The following EYA4 variants were observed in gnomAD, a reference collection of about 807,000 sequenced individuals.
EYA4 encodes EYA transcriptional coactivator and phosphatase 4.
EYA4 carries 31 observed loss-of-function variants against 87.9 expected under a neutral mutation model. The observed-to-expected ratio is 0.35, with a 90% confidence interval of 0.27 to 0.48. EYA4 has a LOEUF of 0.48. Ranked by LOEUF, EYA4 falls within the 20% of genes least tolerant of loss-of-function variation. The pLI is 0.99. For missense variants in EYA4, 678 were observed against 761.4 expected (o/e 0.89, Z 1.29); for synonymous variants, 263 against 270.6 (o/e 0.97, Z 0.28).
intron 3 of EYA4, among the ~76,000 whole-genome samples, chr6:133,415,713 G>A (rs1371882976): frequency 6.6e-6 from 1 of 152,128 alleles, no homozygotes; most frequent in African/African-American, 2.4e-5. Context: ...CAACTCCTCT[G>A]TGCACTTTTA....
chr6:133,262,963 T>C (rs1328886354), intron 1 of EYA4, among the ~76,000 whole-genome samples: 1 of 152,194 alleles, frequency 6.6e-6, no homozygotes, highest in Non-Finnish European at 1.5e-5. Context: ...AGTCCAAGAA[T>C]GTGCATCTCC....
chr6:133,278,067 A>G (rs771240990), intron 2 of EYA4, among the ~76,000 whole-genome samples: 7 of 151,436 alleles, frequency 4.6e-5, no homozygotes, highest in Non-Finnish European at 8.8e-5. Flanking sequence ...CAAGTGTGTC[A>G]TCAAGCATAC....
chr6:133,474,873 A>G (rs1795588655), intron 11 of EYA4, among the ~76,000 whole-genome samples: 1 of 152,138 alleles, frequency 6.6e-6, no homozygotes, highest in Non-Finnish European at 1.5e-5. Context: ...ACAGTTTTTC[A>G]TAGAACAGTC....
In EYA4 at chr6:133,511,479, T is replaced by C. The variant is rs372897212; in HGVS notation, c.1282-1242T>C. Among the ~76,000 whole-genome samples the C allele has an allele frequency of 4.5e-4, 68 of 151,406 alleles. No homozygotes were observed. In the East Asian group the frequency reaches 7.7e-3, roughly 17 times the overall value. ...TAGTTATTTATTATAAATAATTTATTTTTATTTATTATATATTTATTATTC... is the reference window on the plus strand; with the variant it reads ...TAGTTATTTATTATAAATAATTTATCTTTATTTATTATATATTTATTATTC... On this transcript the variant is annotated intron_variant, in intron 14 of 19. Transcript: ENST00000355286.
intron 2 of EYA4, among the ~76,000 whole-genome samples, chr6:133,324,819 C>CA (rs1562290649): frequency 2.0e-5 from 3 of 148,868 alleles, no homozygotes; most frequent in Non-Finnish European, 4.4e-5. Flanking sequence ...ATTGGTATTT[C>CA]AAAAAATCAG....
intron 18 of EYA4, 176 bp from the exon 19 acceptor site, chr6:133,524,978 C>T (rs760443871): frequency 6.6e-6 from 10 of 1,519,918 alleles, no homozygotes; most frequent in Non-Finnish European, 9.1e-6. Flanking sequence ...TTAATGAATG[C>T]AGTGGCTGGA....
chr6:133,366,751 A>G (rs1268795603), intron 2 of EYA4, among the ~76,000 whole-genome samples: 1 of 152,230 alleles, frequency 6.6e-6, no homozygotes, highest in African/African-American at 2.4e-5. Context: ...TGTAGATAAC[A>G]CATCAGTAGC....
At position 133,503,201 on chromosome 6, in the gene EYA4, A is replaced by G. The variant is rs117695089; in HGVS notation, c.1192-2905A>G. On this transcript the variant is annotated intron_variant, in intron 13 of 19. Coordinates refer to ENST00000355286, the MANE Select transcript of EYA4 (RefSeq NM_004100.5). ...AAATGCATTCTTCATGGATTTTCCT[A>G]TCACTGTTTGGGTAGCACAGAGTTA... Among the ~76,000 whole-genome samples the G allele has an allele frequency of 1.1e-3, 174 of 152,306 alleles. 2 individuals are homozygous for G. In the East Asian group the frequency reaches 0.027, roughly 24 times the overall value.
intron 2 of EYA4, among the ~76,000 whole-genome samples, chr6:133,281,450 A>G (rs1777618624): frequency 6.6e-6 from 1 of 152,162 alleles, no homozygotes; most frequent in Non-Finnish European, 1.5e-5. Context: ...AGAACATGTG[A>G]TATTTGACTT....
At chr6:133,406,009 A>G (rs1486391222) in intron 3 of EYA4, among the ~76,000 whole-genome samples, 3 of 108,926 alleles carry the variant, frequency 2.8e-5, no homozygotes, top group Non-Finnish European at 6.6e-5. Flanking sequence ...GCTAAATTCT[A>G]TTATCTATCT....
rs1222461623 is a variant in EYA4 at position 133,322,701 on chromosome 6, CTA to C, written c.33+47890_33+47891del. ...TTGATGGGCACATTGTATCATAAGA[CTA>C]TGTCTTAACTACTATAACCTACTAT... On this transcript the variant is annotated intron_variant, in intron 2 of 19. Transcript: ENST00000355286. Among the ~76,000 whole-genome samples the C allele has an allele frequency of 2.0e-5, 3 of 152,138 alleles. No individual in the cohort carries two copies. In the East Asian group the frequency reaches 5.8e-4, roughly 29 times the overall value.
At chr6:133,394,282 G>GTGTTTTT (rs1269757042) in intron 3 of EYA4, among the ~76,000 whole-genome samples, 1 of 107,846 alleles carries the variant, frequency 9.3e-6, no homozygotes, top group African/African-American at 4.8e-5. Flanking sequence ...ATATAAGCTT[G>GTGTTTTT]TGTTTTTTTT....
intron 2 of EYA4, among the ~76,000 whole-genome samples, chr6:133,300,557 C>G (rs1562264730): frequency 6.6e-6 from 1 of 151,960 alleles, no homozygotes; most frequent in African/African-American, 2.4e-5. Flanking sequence ...GCCCTGTCAC[C>G]AGGCTGGAGT....
At chr6:133,316,195 C>T (rs923011727) in intron 2 of EYA4, among the ~76,000 whole-genome samples, 1 of 152,068 alleles carries the variant, frequency 6.6e-6, no homozygotes, top group South Asian at 2.1e-4. Flanking sequence ...ACGTTTTTCT[C>T]AGCAAATAGT....
rs376545517 is a variant in EYA4, at chr6:133,254,716, G to C, written c.-66+12967G>C. Among the ~76,000 whole-genome samples, 48 of 152,294 alleles carry C rather than the reference G, an allele frequency of 3.2e-4. No individual in the cohort carries two copies. In the East Asian group the frequency reaches 7.3e-3, roughly 23 times the overall value. ...CAAAGCATATTTGCTCTGTGTTTCA[G>C]TGGGTCACTTTATTTATCAGCGTCA... On this transcript the variant is annotated intron_variant, in intron 1 of 19. Coordinates refer to ENST00000355286, the MANE Select transcript of EYA4 (RefSeq NM_004100.5).
intron 3 of EYA4, among the ~76,000 whole-genome samples, chr6:133,408,433 C>G (rs530102610): frequency 3.3e-5 from 5 of 152,140 alleles, no homozygotes; most frequent in African/African-American, 1.2e-4. Context: ...TATATTTGGT[C>G]TGGTTCTTAG....
chr6:133,267,862 T>C (rs932726593), intron 1 of EYA4, among the ~76,000 whole-genome samples: 30 of 152,176 alleles, frequency 2.0e-4, no homozygotes, highest in African/African-American at 6.8e-4. Flanking sequence ...GGAAAGTTAA[T>C]ACTGGGTAAA....
In EYA4 at chr6:133,343,285, C is replaced by A. The variant is rs552479673; in HGVS notation, c.34-39107C>A. On this transcript the variant is annotated intron_variant, in intron 2 of 19. Coordinates refer to ENST00000355286, the MANE Select transcript of EYA4 (RefSeq NM_004100.5). ...TCCTCAACTGTATTTACCAGGATGA[C>A]CCTGTGACCTTTCTTTTACTTTAGA... Among the ~76,000 whole-genome samples, 88 of 152,230 alleles carry A rather than the reference C, an allele frequency of 5.8e-4. 1 individual carries two copies. Among genetic ancestry groups the A allele is most frequent in the East Asian group, 3.5e-3 (18 of 5,184 alleles).
In EYA4 at chr6:133,357,099, G is replaced by A. The variant is rs555972853; in HGVS notation, c.34-25293G>A. Reference sequence around the variant, plus strand: ...ATCCTGGCTAAAACAGTGAAACCCCGTCTCTACTAAAAATACAAAAAATTA... The same window carrying A: ...ATCCTGGCTAAAACAGTGAAACCCCATCTCTACTAAAAATACAAAAAATTA... On this transcript the variant is annotated intron_variant, in intron 2 of 19. Transcript: ENST00000355286. Among the ~76,000 whole-genome samples the A allele has an allele frequency of 3.0e-3, 453 of 151,728 alleles. 4 individuals are homozygous for A. Among genetic ancestry groups the A allele is most frequent in the African/African-American group, 0.01 (433 of 41,382 alleles).
Sources: allele counts gnomAD v4.1 joint callset (sites outside exome capture counted in the v4.1 genomes callset), GRCh38; gene constraint gnomAD v4.1.1; transcripts MANE v1.5; gene names NCBI Gene and HGNC (gene_info 2026-07-23, HGNC 2026-07-21).